The following R3HCC1L variants were observed in gnomAD, a reference collection of about 807,000 sequenced individuals.
R3HCC1L encodes the protein R3H domain and coiled-coil containing 1 like.
R3HCC1L carries 51 observed loss-of-function variants against 59.9 expected under a neutral mutation model. That is an observed-to-expected ratio of 0.85 (90% CI 0.68 to 1.07). The LOEUF (loss-of-function observed/expected upper bound fraction) is 1.07. Among genes scored for constraint, R3HCC1L ranks in the 50% least tolerant of loss-of-function variants. The pLI, the probability that R3HCC1L is intolerant of heterozygous loss-of-function variation, is 0.00. For missense variants in R3HCC1L, 965 were observed against 933.0 expected (o/e 1.03, Z -0.45); for synonymous variants, 322 against 315.2 (o/e 1.02, Z -0.23).
intron 4 of R3HCC1L, chr10:98,174,401 A>G (rs1384887543): frequency 2.0e-6 from 1 of 503,838 alleles, no homozygotes; most frequent in Non-Finnish European, 2.6e-6. Context: ...AGTAATTTAA[A>G]ATCAGTTCTT....
intron 5 of R3HCC1L, among the ~76,000 whole-genome samples, chr10:98,231,297 AC>A (rs1564733323): frequency 1.3e-5 from 2 of 152,190 alleles, no homozygotes; most frequent in Non-Finnish European, 2.9e-5. Context: ...TGGAATTTCA[AC>A]ACTTTTTCAA....
rs11189516 is a variant in R3HCC1L, at chr10:98,215,482, C to A, written c.1785+5583C>A. ...TGGTTAAGATTTTCCTAATACTTCA[C>A]GTTCACAATCCAACTCTTTCTAATA... On this transcript the variant is annotated intron_variant, in intron 5 of 9. Transcript: ENST00000298999. Among the ~76,000 whole-genome samples the A allele has an allele frequency of 6.8e-3, 1,033 of 152,248 alleles. 19 individuals are homozygous for A. Among genetic ancestry groups the A allele is most frequent in the African/African-American group, 0.024 (991 of 41,544 alleles).
chr10:98,201,966 G>A (rs1388736836), intron 4 of R3HCC1L, among the ~76,000 whole-genome samples: 1 of 151,002 alleles, frequency 6.6e-6, no homozygotes, highest in African/African-American at 2.4e-5. Context: ...CACAGGCACA[G>A]TCATAGCACA....
Position 98,152,400 on chromosome 10 carries a change from C to G in R3HCC1L, c.-267-3693C>G, listed in dbSNP as rs562985825. 1.3e-4 allele frequency among the ~76,000 whole-genome samples: 20 copies of G among 151,498 alleles called. No homozygotes were observed. The South Asian group carries it at 4.2e-3, about 32-fold the overall frequency. On this transcript the variant is annotated intron_variant, in intron 1 of 9. Coordinates refer to ENST00000298999, the MANE Select transcript of R3HCC1L (RefSeq NM_001351015.2). ...CCCGTCTGGGAAGTGAGGAGCGTCT[C>G]TGCCTGGCCGCCCATCGTCTGGGAT...
chr10:98,163,969 T>G (rs565650767), intron 4 of R3HCC1L, among the ~76,000 whole-genome samples: 23 of 152,310 alleles, frequency 1.5e-4, no homozygotes, highest in African/African-American at 5.3e-4. Flanking sequence ...TTTAGTAAGT[T>G]GATATGACCT....
chr10:98,189,482 A>G lies in R3HCC1L; in HGVS notation c.-14-18619A>G, dbSNP rs183044553. Among the ~76,000 whole-genome samples the G allele has an allele frequency of 2.3e-3, 346 of 152,300 alleles. 2 individuals carry two copies. Among genetic ancestry groups the G allele is most frequent in the South Asian group, 1.2e-3 (6 of 4,828 alleles). Reference sequence around the variant, plus strand: ...CTCTCAGTGAGTGTCTACCTGGGTTAAAAGCTTATTTCTCTTTAGTTCAGA... The same window carrying G: ...CTCTCAGTGAGTGTCTACCTGGGTTGAAAGCTTATTTCTCTTTAGTTCAGA... On this transcript the variant is annotated intron_variant, in intron 4 of 9. Transcript: ENST00000298999.
intron 9 of R3HCC1L, among the ~76,000 whole-genome samples, chr10:98,243,710 T>A (rs568875762): frequency 6.6e-6 from 1 of 152,340 alleles, no homozygotes; most frequent in East Asian, 1.9e-4. Context: ...CCTTGATACT[T>A]ATTGAAATAT....
At chr10:98,172,380 A>G (rs1490693432) in intron 4 of R3HCC1L, among the ~76,000 whole-genome samples, 1 of 152,142 alleles carries the variant, frequency 6.6e-6, no homozygotes, top group Non-Finnish European at 1.5e-5. Context: ...AAACTGTAAC[A>G]TTTTTAGCGT....
At chr10:98,223,691 A>G (rs1855325994) in intron 5 of R3HCC1L, among the ~76,000 whole-genome samples, 1 of 151,914 alleles carries the variant, frequency 6.6e-6, no homozygotes, top group Non-Finnish European at 1.5e-5. Context: ...TGTGGTGGTT[A>G]GTGGAAGCTG....
chr10:98,169,442 T>C (rs1194921706), intron 4 of R3HCC1L, among the ~76,000 whole-genome samples: 2 of 152,220 alleles, frequency 1.3e-5, no homozygotes, highest in Non-Finnish European at 2.9e-5. Context: ...ATAATGTATA[T>C]ACAATGTTTA....
At chr10:98,230,009 C>T (rs1416352776) in intron 5 of R3HCC1L, among the ~76,000 whole-genome samples, 4 of 151,518 alleles carry the variant, frequency 2.6e-5, no homozygotes, top group South Asian at 4.2e-4. Context: ...ATTTTTGCAT[C>T]AATGTTCATC....
chr10:98,199,408 A>G (rs1851793832), intron 4 of R3HCC1L, among the ~76,000 whole-genome samples: 1 of 152,006 alleles, frequency 6.6e-6, no homozygotes, highest in Non-Finnish European at 1.5e-5. Flanking sequence ...ATGTCCTATT[A>G]TGCTAAAACA....
At chr10:98,164,684 C>T (rs1847764233) in intron 4 of R3HCC1L, among the ~76,000 whole-genome samples, 1 of 152,096 alleles carries the variant, frequency 6.6e-6, no homozygotes, top group Admixed American at 6.5e-5. Flanking sequence ...TCTCAAGTCC[C>T]CAGATGCAGT....
At chr10:98,180,574 T>C (rs1248347748) in intron 4 of R3HCC1L, among the ~76,000 whole-genome samples, 1 of 152,188 alleles carries the variant, frequency 6.6e-6, no homozygotes, top group Non-Finnish European at 1.5e-5. Context: ...AGATGTCTAT[T>C]AGGTCTGCTT....
intron 4 of R3HCC1L, among the ~76,000 whole-genome samples, chr10:98,171,484 A>G (rs1181203824): frequency 2.0e-5 from 3 of 152,212 alleles, no homozygotes; most frequent in African/African-American, 7.2e-5. Flanking sequence ...ATGACATCAA[A>G]TAGAAAGACA....
chr10:98,150,426 T>G (rs1217819300), intron 1 of R3HCC1L, among the ~76,000 whole-genome samples: 3 of 152,234 alleles, frequency 2.0e-5, no homozygotes, highest in Non-Finnish European at 4.4e-5. Context: ...TTGTTTTCTG[T>G]TTTTCAAGCT....
chr10:98,230,780 T>C (rs1347410668), intron 5 of R3HCC1L, among the ~76,000 whole-genome samples: 1 of 152,254 alleles, frequency 6.6e-6, no homozygotes, highest in African/African-American at 2.4e-5. Context: ...ACAGAATGAC[T>C]GTCATGGCTT....
intron 9 of R3HCC1L, among the ~76,000 whole-genome samples, chr10:98,237,899 C>T (rs1455907497): frequency 6.6e-6 from 1 of 152,114 alleles, no homozygotes; most frequent in Non-Finnish European, 1.5e-5. Flanking sequence ...AGGTATTAGA[C>T]TCTGGAATCT....
intron 4 of R3HCC1L, among the ~76,000 whole-genome samples, chr10:98,181,695 C>T (rs955388678): frequency 2.6e-5 from 4 of 152,162 alleles, no homozygotes; most frequent in Non-Finnish European, 5.9e-5. Flanking sequence ...TCCCATATTT[C>T]CTGGAGCCTT....
Sources: allele counts gnomAD v4.1 joint callset (sites outside exome capture counted in the v4.1 genomes callset), GRCh38; gene constraint gnomAD v4.1.1; transcripts MANE v1.5; gene names NCBI Gene and HGNC (gene_info 2026-07-23, HGNC 2026-07-21).